The following TMEM108 variants were observed in gnomAD, a reference collection of about 807,000 sequenced individuals.
TMEM108 encodes transmembrane protein 108, also known as cancer/testis antigen 124.
Under a neutral mutation model 35.1 loss-of-function variants are expected in TMEM108, and 12 were observed. That is an observed-to-expected ratio of 0.34 (90% CI 0.22 to 0.55). TMEM108 has a LOEUF of 0.55. TMEM108 is among the 20% of genes least tolerant of loss of function. The pLI is 0.89. For synonymous variants in TMEM108, 287 were observed against 308.6 expected, an observed-to-expected ratio of 0.93 and a Z score of 0.73; for missense variants, 680 against 753.3, an observed-to-expected ratio of 0.90 and a Z score of 1.14.
chr3:133,124,310 C>T lies in TMEM108; in HGVS notation c.-47+78290C>T, dbSNP rs530984757. 3.9e-5 allele frequency among the ~76,000 whole-genome samples: 6 copies of T among 152,280 alleles called. No homozygotes were observed. The East Asian group carries it at 5.8e-4, about 15-fold the overall frequency. Reference sequence around the variant, plus strand: ...GTTAAATAAAAACCAAAAGGTGTGACGTACATGGCAAAATGGGATAAACCT... The same window carrying T: ...GTTAAATAAAAACCAAAAGGTGTGATGTACATGGCAAAATGGGATAAACCT... On this transcript the variant is annotated intron_variant, in intron 2 of 5. Transcript: ENST00000321871.
At chr3:133,351,350 T>C (rs2071991194) in intron 3 of TMEM108, among the ~76,000 whole-genome samples, 1 of 152,154 alleles carries the variant, frequency 6.6e-6, no homozygotes, top group African/African-American at 2.4e-5. Context: ...AAAGAGAGCA[T>C]GGCCTCCAGG....
At chr3:133,267,337 G>A (rs553184956) in intron 3 of TMEM108, among the ~76,000 whole-genome samples, 1 of 152,210 alleles carries the variant, frequency 6.6e-6, no homozygotes, top group African/African-American at 2.4e-5. Flanking sequence ...ACATGCCCAG[G>A]GCATCATGGC....
At chr3:133,096,436 C>T (rs1052406318) in intron 2 of TMEM108, among the ~76,000 whole-genome samples, 2 of 152,206 alleles carry the variant, frequency 1.3e-5, no homozygotes, top group Non-Finnish European at 2.9e-5. Flanking sequence ...GGGATTACAA[C>T]TGTGAGCCAT....
intron 3 of TMEM108, among the ~76,000 whole-genome samples, chr3:133,310,530 C>CTTTTTTTTTTTTTTTTTTT (rs59215786): frequency 1.3e-4 from 3 of 22,250 alleles, no homozygotes; most frequent in Non-Finnish European, 1.6e-4. Flanking sequence ...GCAACCCCTG[C>CTTTTTTTTTTTTTTTTTTT]TTTTTTTTTT....
At chr3:133,248,201 C>A (rs1408031098) in intron 3 of TMEM108, 1 of 152,110 alleles carries the variant, frequency 6.6e-6, no homozygotes, top group African/African-American at 2.4e-5. Context: ...CTGACGATAA[C>A]AAGCCTTTTG....
chr3:133,130,546 C>T (rs568434420), intron 2 of TMEM108, among the ~76,000 whole-genome samples: 1 of 152,232 alleles, frequency 6.6e-6, no homozygotes, highest in South Asian at 2.1e-4. Flanking sequence ...CACTGCTCAG[C>T]ACATGACCCA....
chr3:133,341,529 G>A (rs2071661468), intron 3 of TMEM108, among the ~76,000 whole-genome samples: 1 of 151,772 alleles, frequency 6.6e-6, no homozygotes, highest in African/African-American at 2.4e-5. Context: ...CACAGAAATA[G>A]TAGAAATAGT....
In TMEM108 at chr3:133,106,175, G is replaced by GTTTT. The variant is rs745343008; in HGVS notation, c.-47+60176_-47+60179dup. On this transcript the variant is annotated intron_variant, in intron 2 of 5. Transcript: ENST00000321871. Reference sequence around the variant, plus strand: ...GGGACTTCCAATTGAGAGGTTAAAGGTTTTTTTTTTTTTTTTTTTTTTTTG... The same window carrying GTTTT: ...GGGACTTCCAATTGAGAGGTTAAAGGTTTTTTTTTTTTTTTTTTTTTTTTTTTTG... 2.6e-4 allele frequency among the ~76,000 whole-genome samples: 23 copies of GTTTT among 89,670 alleles called. No individual in the cohort carries two copies. In the East Asian group the frequency reaches 4.5e-3, roughly 18 times the overall value. 58.8% of individuals were successfully genotyped at this position (89,670 alleles called of 152,430 possible).
At chr3:133,045,252 G>A (rs956933605) in intron 1 of TMEM108, among the ~76,000 whole-genome samples, 6 of 152,192 alleles carry the variant, frequency 3.9e-5, no homozygotes, top group Admixed American at 3.9e-4. Flanking sequence ...ACAGGCGTGA[G>A]CCACCGCACC....
chr3:133,238,714 G>T (rs1005453493), intron 3 of TMEM108, among the ~76,000 whole-genome samples: 2 of 152,122 alleles, frequency 1.3e-5, no homozygotes, highest in African/African-American at 4.8e-5. Context: ...TTGTCTTCAT[G>T]GCTTGTTTCT....
At chr3:133,078,436 A>G (rs1943771413) in intron 2 of TMEM108, among the ~76,000 whole-genome samples, 1 of 152,164 alleles carries the variant, frequency 6.6e-6, no homozygotes, top group Admixed American at 6.5e-5. Flanking sequence ...GCTGCTTTGT[A>G]GAGCTGACCT....
At chr3:133,313,735 A>G (rs978086943) in intron 3 of TMEM108, among the ~76,000 whole-genome samples, 2 of 152,030 alleles carry the variant, frequency 1.3e-5, no homozygotes, top group Admixed American at 6.5e-5. Context: ...TGTAATTACT[A>G]TCTTCCCCTT....
At chr3:133,146,114 G>A (rs1015919783) in intron 2 of TMEM108, among the ~76,000 whole-genome samples, 3 of 152,146 alleles carry the variant, frequency 2.0e-5, no homozygotes, top group Non-Finnish European at 2.9e-5. Flanking sequence ...GTCATAAATA[G>A]CTCTTATTGT....
At chr3:133,285,980 A>G (rs112148639) in intron 3 of TMEM108, among the ~76,000 whole-genome samples, 70 of 152,314 alleles carry the variant, frequency 4.6e-4, no homozygotes, top group Middle Eastern at 3.4e-3. Context: ...TCTTGACCCA[A>G]TGGTGTCCCC....
At chr3:133,174,446 C>A (rs1945179960) in intron 2 of TMEM108, among the ~76,000 whole-genome samples, 2 of 152,162 alleles carry the variant, frequency 1.3e-5, no homozygotes, top group South Asian at 4.1e-4. Context: ...CAGACTGACA[C>A]CTCACATGGC....
intron 4 of TMEM108, among the ~76,000 whole-genome samples, chr3:133,385,062 C>A (rs2073112728): frequency 1.3e-5 from 2 of 152,200 alleles, no homozygotes; most frequent in African/African-American, 4.8e-5. Flanking sequence ...TACCATTGTG[C>A]TGATGGTTGC....
intron 3 of TMEM108, among the ~76,000 whole-genome samples, chr3:133,285,454 C>A (rs1337796177): frequency 1.3e-5 from 2 of 152,138 alleles, no homozygotes; most frequent in Non-Finnish European, 2.9e-5. Context: ...GGACAGCAGT[C>A]TAGAATTATG....
intron 3 of TMEM108, among the ~76,000 whole-genome samples, chr3:133,351,673 A>G (rs1345580119): frequency 1.3e-5 from 2 of 152,138 alleles, no homozygotes; most frequent in African/African-American, 4.8e-5. Flanking sequence ...ACTTTCCTAT[A>G]TTATCACAGA....
intron 3 of TMEM108, among the ~76,000 whole-genome samples, chr3:133,338,608 T>C (rs2071570735): frequency 6.6e-6 from 1 of 152,092 alleles, no homozygotes; most frequent in African/African-American, 2.4e-5. Context: ...AGACATCATC[T>C]GAAGGTACAA....
Sources: gnomAD v4.1 joint callset for allele counts (sites outside exome capture counted in the v4.1 genomes callset) on GRCh38, gnomAD v4.1.1 for gene constraint, MANE v1.5 for transcripts, NCBI Gene and HGNC (gene_info 2026-07-23, HGNC 2026-07-21) for gene names.